The following SAFB variants were observed in gnomAD, a reference collection of about 807,000 sequenced individuals.
The protein encoded by SAFB is scaffold attachment factor B1.
SAFB carries 15 observed loss-of-function variants against 101.6 expected under a neutral mutation model. The ratio of observed to expected loss-of-function variants is 0.15; its 90% CI spans 0.10 to 0.23. The LOEUF is 0.23. Ranked by LOEUF, SAFB falls within the 10% of genes least tolerant of loss-of-function variation. SAFB has a pLI of 1.00. For missense variants in SAFB, 930 were observed against 1,104.1 expected (o/e 0.84, Z 2.23); for synonymous variants, 449 against 407.5 (o/e 1.10, Z -1.23).
chr19:5,660,865 C>T (rs2054183842), intron 14 of SAFB, among the ~76,000 whole-genome samples: 1 of 150,222 alleles, frequency 6.7e-6, no homozygotes, highest in Non-Finnish European at 1.5e-5. Flanking sequence ...CACAAAGACT[C>T]ATTTCATCCT....
chr19:5,654,646 C>T (rs1011217772), intron 13 of SAFB, among the ~76,000 whole-genome samples, 190 bp downstream of exon 13: 3 of 152,132 alleles, frequency 2.0e-5, no homozygotes, highest in Admixed American at 6.5e-5. Context: ...TGCAGTGGTG[C>T]GATCTTGGCT....
At chr19:5,631,154 C>T (rs2053482110) in intron 2 of SAFB, among the ~76,000 whole-genome samples, 1 of 152,182 alleles carries the variant, frequency 6.6e-6, no homozygotes, top group East Asian at 1.9e-4. Context: ...CATGCTGCTG[C>T]ACTCCAGCCT....
At chr19:5,665,592 C>T (rs755469596) in intron 17 of SAFB, 15 of 152,254 alleles carry the variant, frequency 9.9e-5, no homozygotes, top group Middle Eastern at 6.8e-3. Context: ...ACCTCGGCCT[C>T]CCAAAGTGCT....
chr19:5,623,167 G>A lies in SAFB; in HGVS notation c.-39G>A, dbSNP rs751776102. ...CTAGGAGCCTGATAAAACCGGCCCG[G>A]TTCTGTGGAAAGTGGGCGGCGGAGC... On this transcript the variant is annotated 5_prime_UTR_variant, in exon 1 of 21. Coordinates refer to ENST00000588852, the MANE Select transcript of SAFB (RefSeq NM_001201338.2). 1.8e-5 allele frequency: 28 copies of A among 1,549,536 alleles called. No homozygotes were observed. The highest frequency in any genetic ancestry group is 2.4e-5 in the Non-Finnish European group (27 of 1,145,956).
rs1322823947 is a variant in SAFB at position 5,657,233 on chromosome 19, T to G, written c.1756-8T>G. 14 of 1,610,810 alleles carry G rather than the reference T, an allele frequency of 8.7e-6. No homozygotes were observed. The highest frequency in any genetic ancestry group is 1.2e-5 in the Non-Finnish European group (14 of 1,177,496). ...GCTTTAACTTTTTAATGTTCTTTGG[T>G]GAACTAGGCTTCCAAAAGCCAGGAT... On this transcript the variant is annotated splice_polypyrimidine_tract_variant and splice_region_variant and intron_variant, in intron 13 of 20. Transcript: ENST00000588852.
Position 5,661,711 on chromosome 19 carries a change from C to T in SAFB, c.2056C>T (p.Arg686Cys). 1 of 1,601,978 alleles carries T rather than the reference C, an allele frequency of 6.2e-7. No individual in the cohort carries two copies. The highest frequency in any genetic ancestry group is 2.2e-5 in the East Asian group (1 of 44,516). The change falls in exon 15 of 21, where the codon CGC becomes TGC. Residue 686 changes from arginine to cysteine, a missense_variant. Transcript: ENST00000588852. ...VEHERRREQERIHREREELRR... is the reference protein window; with the variant it reads ...VEHERRREQECIHREREELRR... ...GCACGAGCGCAGGCGCGAGCAGGAGCGCATCCACCGTGAGCGCGAGGAGCT... is the reference window on the plus strand; with the variant it reads ...GCACGAGCGCAGGCGCGAGCAGGAGTGCATCCACCGTGAGCGCGAGGAGCT...
chr19:5,667,656 G>A lies in SAFB; in HGVS notation c.2558-164G>A. On this transcript the variant is annotated intron_variant, in intron 19 of 20. Coordinates refer to ENST00000588852, the MANE Select transcript of SAFB (RefSeq NM_001201338.2). This position sits in a 1 kb window ranked among gnomAD's most constrained non-coding sequence, Gnocchi z 4.0. Reference sequence around the variant, plus strand: ...GGCGTTCCCGAGTTCTCTCTGCTGGGAGGAAGCTGGACGTCTATGGTCCCT... The same window carrying A: ...GGCGTTCCCGAGTTCTCTCTGCTGGAAGGAAGCTGGACGTCTATGGTCCCT... 1 of 730,424 alleles carries A rather than the reference G, an allele frequency of 1.4e-6. No individual in the cohort carries two copies. The highest frequency in any genetic ancestry group is 1.8e-5 in the South Asian group (1 of 56,958). The allele number at this position is 730,424 out of a possible 1,614,324, so 45.2% of individuals were successfully genotyped here.
rs932373695 is a variant in SAFB at position 5,667,871 on chromosome 19, G to C, written c.2609G>C (p.Arg870Pro). 1 of 1,609,386 alleles carries C rather than the reference G, an allele frequency of 6.2e-7. No homozygotes were observed. The highest frequency in any genetic ancestry group is 1.7e-5 in the Admixed American group (1 of 59,072). The change falls in exon 20 of 21, where the codon CGA (arginine) becomes CCA (proline). Residue 870 changes from arginine (R) to proline (P), a missense_variant. Coordinates refer to ENST00000588852, the MANE Select transcript of SAFB (RefSeq NM_001201338.2). The surrounding 1 kb of genome is among the most constrained non-coding windows in gnomAD (Gnocchi z 4.0). Reference sequence around the variant, plus strand: ...TCCGGGCCTGGCCACATGATGAACCGAGGAGGAATGTCAGGGTAAGGCATG... The same window carrying C: ...TCCGGGCCTGGCCACATGATGAACCCAGGAGGAATGTCAGGGTAAGGCATG... ...GHSGPGHMMNRGGMSGRGSFA... is the reference protein window; with the variant it reads ...GHSGPGHMMNPGGMSGRGSFA...
intron 5 of SAFB, among the ~76,000 whole-genome samples, chr19:5,645,870 TTTTTG>T (rs566926543): frequency 9.2e-5 from 14 of 152,108 alleles, no homozygotes; most frequent in African/African-American, 2.2e-4. Context: ...TGGGAAGTTT[TTTTTG>T]TTTTGTTTTG....
intron 2 of SAFB, among the ~76,000 whole-genome samples, chr19:5,641,084 G>A (rs1195652476): frequency 2.0e-5 from 3 of 152,204 alleles, no homozygotes; most frequent in African/African-American, 7.2e-5. Flanking sequence ...TTTCCAGGCT[G>A]GTCTCGAACT....
chr19:5,656,439 C>T (rs893354807), intron 13 of SAFB, among the ~76,000 whole-genome samples: 7 of 152,076 alleles, frequency 4.6e-5, no homozygotes, highest in African/African-American at 1.7e-4. Context: ...CTATGCCCGG[C>T]TAATTTTTGT....
chr19:5,667,970 C>A lies in SAFB; in HGVS notation c.2624+84C>A. ...TGGAGGCTTAACAACCAAGTCCTTC[C>A]AGCTAGTGCCCCTCCCCCCAAGGGT... On this transcript the variant is annotated intron_variant, in intron 20 of 20. Transcript: ENST00000588852. The surrounding 1 kb of genome is among the most constrained non-coding windows in gnomAD (Gnocchi z 4.0). The A allele has an allele frequency of 6.9e-7, 1 of 1,457,474 alleles. No homozygotes were observed. Among genetic ancestry groups the A allele is most frequent in the Non-Finnish European group, 9.3e-7 (1 of 1,073,920 alleles). 90.3% of individuals were successfully genotyped at this position (1,457,474 alleles called of 1,614,324 possible).
chr19:5,623,091 G>C lies in SAFB; in HGVS notation c.-115G>C, dbSNP rs2053219361. ...GCTTGGTGCGCCTGCGCAGAAGCGA[G>C]GCGCGCTGGGGCGACTGGAGCGGTT... On this transcript the variant is annotated 5_prime_UTR_variant, in exon 1 of 21. Coordinates refer to ENST00000588852, the MANE Select transcript of SAFB (RefSeq NM_001201338.2). 3.6e-6 allele frequency: 4 copies of C among 1,115,212 alleles called. No homozygotes were observed. The East Asian group carries it at 7.8e-5, about 22-fold the overall frequency. The allele number at this position is 1,115,212 out of a possible 1,614,324, so 69.1% of individuals were successfully genotyped here.
chr19:5,665,919 G>C (rs955564912), intron 17 of SAFB: 1 of 152,244 alleles, frequency 6.6e-6, no homozygotes, highest in African/African-American at 2.4e-5. Context: ...CAGAGCACAT[G>C]CTGGGAGGAT....
chr19:5,628,839 T>G (rs1342977729), intron 2 of SAFB, among the ~76,000 whole-genome samples: 6 of 152,160 alleles, frequency 3.9e-5, no homozygotes, highest in Admixed American at 3.9e-4. Flanking sequence ...GAGAAAGAAA[T>G]AATAAAAGCA....
chr19:5,647,012 G>A lies in SAFB; in HGVS notation c.610-1004G>A, dbSNP rs528906018. 1.2e-4 allele frequency among the ~76,000 whole-genome samples: 19 copies of A among 152,318 alleles called. 1 individual carries two copies. The East Asian group carries it at 2.7e-3, about 22-fold the overall frequency. ...CCATTAGGACCAACCTCCTGCAACC[G>A]ATGACGAGTCTGTGTGTATGTAAGG... is the stretch of plus-strand genomic sequence containing the variant. On this transcript the variant is annotated intron_variant, in intron 5 of 20. Transcript: ENST00000588852.
intron 5 of SAFB, among the ~76,000 whole-genome samples, 194 bp downstream of exon 5, chr19:5,645,593 T>C (rs1043423577): frequency 6.6e-6 from 1 of 152,226 alleles, no homozygotes; most frequent in Non-Finnish European, 1.5e-5. Flanking sequence ...GACTTAACTC[T>C]AGGCTTCGAC....
intron 2 of SAFB, among the ~76,000 whole-genome samples, chr19:5,631,946 C>G (rs575708133): frequency 1.6e-4 from 24 of 152,244 alleles, no homozygotes; most frequent in African/African-American, 5.5e-4. Context: ...ACTCAGGAGA[C>G]TGAGGTGGGA....
At chr19:5,648,644 T>A (rs1035790431) in intron 6 of SAFB, among the ~76,000 whole-genome samples, 4 of 152,230 alleles carry the variant, frequency 2.6e-5, no homozygotes, top group Admixed American at 6.5e-5. Context: ...GTTCAGTGAA[T>A]GGTGATACAT....
Sources: allele counts gnomAD v4.1 joint callset (sites outside exome capture counted in the v4.1 genomes callset), GRCh38; gene constraint gnomAD v4.1.1; non-coding constraint Gnocchi (gnomAD v3.1); transcripts MANE v1.5; gene names NCBI Gene and HGNC (gene_info 2026-07-23, HGNC 2026-07-21).